Variants in KCNMA1 observed in about 807,000 individuals in gnomAD.
KCNMA1 encodes potassium calcium-activated channel subfamily M alpha 1.
A neutral mutation model predicts 140.0 loss-of-function variants in KCNMA1; 29 were observed. The ratio of observed to expected loss-of-function variants is 0.21; its 90% CI spans 0.15 to 0.28. The LOEUF (loss-of-function observed/expected upper bound fraction) is 0.28, where lower values mean the gene tolerates loss of function less well. Among genes scored for constraint, KCNMA1 ranks in the 10% least tolerant of loss-of-function variants. The probability of loss-of-function intolerance (pLI) is 1.00; values close to 1 mark genes in which losing one functional copy is unlikely to be tolerated. For synonymous variants in KCNMA1, 612 were observed against 611.9 expected (o/e 1.00, Z 0.00); for missense variants, 880 against 1,602.2 (o/e 0.55, Z 7.70).
At chr10:77,047,485 G>T (rs1022283235) in intron 14 of KCNMA1, among the ~76,000 whole-genome samples, 1 of 152,124 alleles carries the variant, frequency 6.6e-6, no homozygotes, top group African/African-American at 2.4e-5. Context: ...CAGAGGAACT[G>T]AAGGTAAAGG....
chr10:77,312,063 A>G (rs1365075734), intron 2 of KCNMA1, among the ~76,000 whole-genome samples: 1 of 152,234 alleles, frequency 6.6e-6, no homozygotes, highest in African/African-American at 2.4e-5. Flanking sequence ...CTAGCCTGCT[A>G]TGACTGCGCA....
chr10:77,564,757 C>G (rs1287668627), intron 1 of KCNMA1, among the ~76,000 whole-genome samples: 3 of 152,090 alleles, frequency 2.0e-5, no homozygotes, highest in Non-Finnish European at 2.9e-5. Flanking sequence ...AGGAACTCAA[C>G]TAAGTGGAAA....
At chr10:77,415,256 TA>T (rs1308459450) in intron 1 of KCNMA1, among the ~76,000 whole-genome samples, 1 of 152,250 alleles carries the variant, frequency 6.6e-6, no homozygotes, top group Non-Finnish European at 1.5e-5. Context: ...GCCGTATTTG[TA>T]AAATAACAAT....
chr10:77,435,600 T>C (rs561548336), intron 1 of KCNMA1, among the ~76,000 whole-genome samples: 25 of 152,360 alleles, frequency 1.6e-4, no homozygotes, highest in African/African-American at 6.0e-4. Flanking sequence ...AGGTATCTGC[T>C]ACACCACCTG....
intron 2 of KCNMA1, among the ~76,000 whole-genome samples, chr10:77,290,337 C>T (rs1199368768): frequency 2.0e-5 from 3 of 152,140 alleles, no homozygotes; most frequent in African/African-American, 7.2e-5. Flanking sequence ...ACATATTAAA[C>T]TGCTTTTGAA....
chr10:77,270,480 TC>T (rs1555113344), intron 2 of KCNMA1, among the ~76,000 whole-genome samples: 3 of 116,844 alleles, frequency 2.6e-5, no homozygotes, highest in African/African-American at 1.4e-4. Context: ...TCTCTTTCTT[TC>T]CTTTCTTTCC....
intron 1 of KCNMA1, among the ~76,000 whole-genome samples, chr10:77,632,106 T>A (rs1273975007): frequency 3.3e-5 from 5 of 152,170 alleles, no homozygotes; most frequent in Admixed American, 3.3e-4. Context: ...GTAGCACATT[T>A]GAGGGCATTT....
chr10:77,110,086 G>T, intron 8 of KCNMA1, 87 bp downstream of exon 8: 2 of 1,190,590 alleles, frequency 1.7e-6, no homozygotes, highest in Non-Finnish European at 2.5e-6. Flanking sequence ...GCAGAATACA[G>T]TCTAAAATAC....
intron 1 of KCNMA1, among the ~76,000 whole-genome samples, chr10:77,552,450 T>C (rs190096039): frequency 1.3e-3 from 203 of 152,288 alleles, no homozygotes; most frequent in Middle Eastern, 3.4e-3. Flanking sequence ...AGGGTTAATA[T>C]AGGGCAAGCA....
At position 76,970,329 on chromosome 10, in the gene KCNMA1, GA is replaced by G. The variant is rs10563488; in HGVS notation, c.2267-263del. On this transcript the variant is annotated intron_variant, in intron 19 of 27. Coordinates refer to ENST00000286628, the MANE Select transcript of KCNMA1 (RefSeq NM_001161352.2). ...ACAGTTTGTAAACACCCTGCCATAA[GA>G]AAAAAAAAAAAAAAAAAGAAATCAT... The G allele has an allele frequency of 0.16, 28,828 of 185,944 alleles. 1,944 individuals carry two copies. Among genetic ancestry groups the G allele is most frequent in the Admixed American group, 0.2 (3,437 of 17,528 alleles). The allele number at this position is 185,944 out of a possible 1,614,324, so 11.5% of individuals were successfully genotyped here. A position where few individuals can be genotyped will look rare whatever the true frequency, so the allele number is the denominator to read the frequency against.
intron 3 of KCNMA1, 95 bp from the exon 4 acceptor site, chr10:77,185,011 C>T (rs1261836551): frequency 2.0e-5 from 16 of 800,214 alleles, no homozygotes; most frequent in East Asian, 1.7e-4. Flanking sequence ...TTAGGGTAGA[C>T]GATGAAATGA....
chr10:77,514,155 G>C (rs978197711), intron 1 of KCNMA1, among the ~76,000 whole-genome samples: 1 of 152,228 alleles, frequency 6.6e-6, no homozygotes, highest in African/African-American at 2.4e-5. Context: ...TGCCTGCCCT[G>C]ATGCGTCAGA....
At chr10:77,369,968 G>T (rs1193714814) in intron 2 of KCNMA1, among the ~76,000 whole-genome samples, 1 of 152,132 alleles carries the variant, frequency 6.6e-6, no homozygotes, top group African/African-American at 2.4e-5. Context: ...TGCAATCGAA[G>T]GTTTTCTATG....
At chr10:77,129,073 C>A (rs1336045270) in intron 5 of KCNMA1, among the ~76,000 whole-genome samples, 1 of 152,220 alleles carries the variant, frequency 6.6e-6, no homozygotes, top group African/African-American at 2.4e-5. Context: ...GGGATACAAG[C>A]TGGGCATCAG....
intron 20 of KCNMA1, among the ~76,000 whole-genome samples, chr10:76,958,469 AT>A (rs1219466736): frequency 6.6e-6 from 1 of 152,174 alleles, no homozygotes; most frequent in African/African-American, 2.4e-5. Flanking sequence ...CTGCTGTTTC[AT>A]TTTTATGGGC....
intron 2 of KCNMA1, among the ~76,000 whole-genome samples, chr10:77,354,824 A>G (rs1462124354): frequency 2.6e-5 from 4 of 152,250 alleles, no homozygotes; most frequent in African/African-American, 9.6e-5. Context: ...TAGACTGAGC[A>G]TCAAAGATTA....
intron 23 of KCNMA1, among the ~76,000 whole-genome samples, chr10:76,926,596 T>C (rs1398907254): frequency 6.6e-6 from 1 of 152,150 alleles, no homozygotes; most frequent in Non-Finnish European, 1.5e-5. Context: ...CCAAACTCAG[T>C]TCTCCCATCC....
At chr10:77,012,077 C>A in intron 17 of KCNMA1, 34 bp from the exon 18 acceptor site, 2 of 1,612,790 alleles carry the variant, frequency 1.2e-6, no homozygotes, top group South Asian at 2.2e-5. Flanking sequence ...TGACACGTTT[C>A]ATAATCCACC....
chr10:77,093,031 A>G (rs1435240012), intron 9 of KCNMA1, among the ~76,000 whole-genome samples: 1 of 152,236 alleles, frequency 6.6e-6, no homozygotes, highest in African/African-American at 2.4e-5. Context: ...AATCAATATT[A>G]TCCCTTAAGC....
Sources: gnomAD v4.1 joint callset for allele counts (sites outside exome capture counted in the v4.1 genomes callset) on GRCh38, gnomAD v4.1.1 for gene constraint, MANE v1.5 for transcripts, NCBI Gene and HGNC (gene_info 2026-07-23, HGNC 2026-07-21) for gene names.